SMYD3: variants seen among roughly 807,000 people sequenced by gnomAD.
The protein encoded by SMYD3 is SET and MYND domain containing 3, also known as histone-lysine N-methyltransferase SMYD3.
SMYD3 carries 36 observed loss-of-function variants against 57.7 expected under a neutral mutation model. The observed-to-expected ratio is 0.62, with a 90% confidence interval of 0.48 to 0.82. The LOEUF is 0.82. SMYD3 is among the 40% of genes least tolerant of loss of function. The pLI is 0.00. For synonymous variants in SMYD3, 211 were observed against 195.0 expected (o/e 1.08, Z -0.68); for missense variants, 515 against 538.8 (o/e 0.96, Z 0.44).
At chr1:246,373,483 T>A (rs1014760240) in intron 1 of SMYD3, among the ~76,000 whole-genome samples, 1 of 152,204 alleles carries the variant, frequency 6.6e-6, no homozygotes, top group African/African-American at 2.4e-5. Context: ...ACAAAGGATG[T>A]TATCAAATGA....
chr1:246,481,772 G>GAT (rs1051298885), intron 1 of SMYD3, among the ~76,000 whole-genome samples: 1,794 of 137,576 alleles, frequency 0.013, 34 homozygotes, highest in African/African-American at 0.05. Flanking sequence ...ATCCATAGAA[G>GAT]ATATATATAT....
intron 1 of SMYD3, among the ~76,000 whole-genome samples, chr1:246,358,894 C>T (rs1252005768): frequency 6.6e-6 from 1 of 152,108 alleles, no homozygotes; most frequent in East Asian, 1.9e-4. Flanking sequence ...TCTAAGGCTA[C>T]ACCTCACAAA....
intron 5 of SMYD3, among the ~76,000 whole-genome samples, chr1:246,062,429 G>C (rs548725353): frequency 7.2e-5 from 11 of 152,272 alleles, no homozygotes; most frequent in African/African-American, 2.2e-4. Flanking sequence ...AAAACACTCT[G>C]AATCTTGGTT....
intron 1 of SMYD3, among the ~76,000 whole-genome samples, chr1:246,400,512 C>T (rs1266842913): frequency 4.6e-5 from 7 of 152,270 alleles, no homozygotes; most frequent in South Asian, 2.1e-4. Context: ...CTGGGATTAC[C>T]GGCACATGCC....
At chr1:246,083,658 G>A (rs2066026) in intron 5 of SMYD3, among the ~76,000 whole-genome samples, 14,315 of 152,198 alleles carry the variant, frequency 0.094, 892 homozygotes, top group African/African-American at 0.17. Flanking sequence ...GCAGCAGACA[G>A]GAAGAGCCAG....
chr1:245,763,765 AC>A (rs1243743974), intron 11 of SMYD3, among the ~76,000 whole-genome samples: 1 of 152,186 alleles, frequency 6.6e-6, no homozygotes, highest in Non-Finnish European at 1.5e-5. Flanking sequence ...ACTGGTTTGT[AC>A]CAGTGGCAAG....
At chr1:246,248,635 C>CTTTTTTTTTTTT (rs1558348050) in intron 5 of SMYD3, among the ~76,000 whole-genome samples, 7 of 68,324 alleles carry the variant, frequency 1.0e-4, no homozygotes, top group African/African-American at 3.9e-4. Flanking sequence ...CTCTGACTTT[C>CTTTTTTTTTTTT]CTTTTTTTTT....
chr1:246,475,293 A>G (rs139409335), intron 1 of SMYD3, among the ~76,000 whole-genome samples: 2 of 150,518 alleles, frequency 1.3e-5, no homozygotes, highest in East Asian at 4.0e-4. Context: ...CCACCACTGC[A>G]TTCCAGCCTG....
chr1:245,794,347 T>C (rs374371178), intron 10 of SMYD3, among the ~76,000 whole-genome samples: 52 of 152,368 alleles, frequency 3.4e-4, no homozygotes, highest in African/African-American at 1.2e-3. Context: ...AGTTTAACTA[T>C]AGACAGAATT....
intron 5 of SMYD3, among the ~76,000 whole-genome samples, chr1:246,166,823 C>A (rs968760141): frequency 9.2e-5 from 14 of 152,136 alleles, no homozygotes; most frequent in African/African-American, 3.4e-4. Context: ...ATTTTAAGAA[C>A]AATTCAGTAA....
intron 5 of SMYD3, among the ~76,000 whole-genome samples, chr1:245,984,793 T>G (rs2058670335): frequency 1.3e-5 from 2 of 152,184 alleles, no homozygotes; most frequent in Admixed American, 6.5e-5. Context: ...TTTGTCATCT[T>G]AAAACATAAA....
At position 246,406,527 on chromosome 1, in the gene SMYD3, C is replaced by T. The variant is rs895798053; in HGVS notation, c.165-51433G>A. 6.6e-5 allele frequency among the ~76,000 whole-genome samples: 10 copies of T among 152,200 alleles called. No homozygotes were observed. The East Asian group carries it at 1.5e-3, about 23-fold the overall frequency. Reference sequence around the variant, plus strand: ...AATTTCCTTTCTCACCTTTAAAAAGCTTGTCCTTGCCTTTTCGCTCTTCTT... The same window carrying T: ...AATTTCCTTTCTCACCTTTAAAAAGTTTGTCCTTGCCTTTTCGCTCTTCTT... On this transcript the variant is annotated intron_variant, in intron 1 of 11. Transcript: ENST00000490107.
intron 5 of SMYD3, among the ~76,000 whole-genome samples, chr1:246,233,009 A>G (rs866883971): frequency 4.6e-3 from 621 of 135,272 alleles, no homozygotes; most frequent in African/African-American, 0.016. Context: ...CGCTCCTTCA[A>G]TTCACACTGT....
intron 5 of SMYD3, among the ~76,000 whole-genome samples, chr1:246,042,361 C>A (rs905689634): frequency 6.6e-6 from 1 of 152,060 alleles, no homozygotes; most frequent in Non-Finnish European, 1.5e-5. Context: ...TCCATGGGAA[C>A]GTATAAGAAT....
chr1:246,230,512 A>G (rs1236459616), intron 5 of SMYD3, among the ~76,000 whole-genome samples: 1 of 152,224 alleles, frequency 6.6e-6, no homozygotes. Flanking sequence ...GAGAGATCCA[A>G]TAATCAGTCC....
intron 5 of SMYD3, among the ~76,000 whole-genome samples, chr1:246,255,772 ATTTTT>A (rs34095220): frequency 5.9e-5 from 8 of 135,694 alleles, no homozygotes; most frequent in African/African-American, 1.1e-4. Flanking sequence ...TGTCTGGGGC[ATTTTT>A]TTTTTTTTTT....
intron 7 of SMYD3, among the ~76,000 whole-genome samples, chr1:245,927,271 G>A (rs183543722): frequency 6.6e-6 from 1 of 152,184 alleles, no homozygotes; most frequent in Non-Finnish European, 1.5e-5. Flanking sequence ...CAGCTGTCTT[G>A]TAAGAAGGTT....
chr1:246,507,203 C>T lies in SMYD3; in HGVS notation c.15G>A (p.Lys5=), dbSNP rs1404924492. 3 of 1,523,146 alleles carry T rather than the reference C, an allele frequency of 2.0e-6. No individual in the cohort carries two copies. The highest frequency in any genetic ancestry group is 2.6e-6 in the Non-Finnish European group (3 of 1,134,652). 94.4% of individuals were successfully genotyped at this position (1,523,146 alleles called of 1,614,324 possible). MEPL[K]VEKFATAKRG... is the part of the protein sequence containing the mutation. The stretch of plus-strand genomic sequence containing the variant: ...TCTTGGCGGTTGCGAACTTTTCCAC[C>T]TTCAGCGGCTCCATCCTCCCGCAGC... Residue 5 remains lysine, a synonymous_variant, in exon 1 of 12, where the codon AAG becomes AAA. Transcript: ENST00000490107.
In SMYD3 at chr1:245,751,391, C is replaced by T. The variant is rs973625627; in HGVS notation, c.1186-1727G>A. Among the ~76,000 whole-genome samples, 5 of 152,232 alleles carry T rather than the reference C, an allele frequency of 3.3e-5. No individual in the cohort carries two copies. In the East Asian group the frequency reaches 7.7e-4, roughly 24 times the overall value. On this transcript the variant is annotated intron_variant, in intron 11 of 11. Transcript: ENST00000490107. ...CTACGTTGGAAAAACGCTGAAGCTT[C>T]GAGAAACAAAGCATTTCAGGGGGAT... is the stretch of plus-strand genomic sequence containing the variant.
Sources: gnomAD v4.1 joint callset for allele counts (sites outside exome capture counted in the v4.1 genomes callset) on GRCh38, gnomAD v4.1.1 for gene constraint, MANE v1.5 for transcripts, NCBI Gene and HGNC (gene_info 2026-07-23, HGNC 2026-07-21) for gene names.